Variants in ADCY9 observed in about 807,000 individuals in gnomAD.
ADCY9 encodes adenylate cyclase 9.
ADCY9 carries 50 observed loss-of-function variants against 101.5 expected under a neutral mutation model. The observed-to-expected ratio is 0.49, with a 90% CI of 0.39 to 0.62. The LOEUF (loss-of-function observed/expected upper bound fraction) is 0.62, where lower values mean the gene tolerates loss of function less well. Among genes scored for constraint, ADCY9 ranks in the 20% least tolerant of loss-of-function variants. The probability of loss-of-function intolerance (pLI) is 0.00; values close to 1 mark genes in which losing one functional copy is unlikely to be tolerated. For missense variants in ADCY9, 1,662 were observed against 1,800.4 expected (o/e 0.92, Z 1.39); for synonymous variants, 905 against 769.3 (o/e 1.18, Z -2.92).
intron 2 of ADCY9, chr16:4,032,082 A>AG (rs1227712007): frequency 6.6e-6 from 1 of 151,890 alleles, no homozygotes; most frequent in Non-Finnish European, 1.5e-5. Context: ...CAGGGTCAGG[A>AG]GTTCGAGACC....
chr16:3,971,348 G>A (rs988629897), intron 10 of ADCY9, among the ~76,000 whole-genome samples: 1 of 152,090 alleles, frequency 6.6e-6, no homozygotes, highest in Non-Finnish European at 1.5e-5. Context: ...ATGTCTTTTC[G>A]CTGTAATCAC....
At chr16:4,001,091 T>G (rs962008895) in intron 3 of ADCY9, among the ~76,000 whole-genome samples, 5 of 151,906 alleles carry the variant, frequency 3.3e-5, no homozygotes, top group African/African-American at 4.8e-5. Context: ...ATATCCTCCG[T>G]ACATACTCAC....
At chr16:4,036,458 GTTTGTT>G (rs2056590382) in intron 2 of ADCY9, among the ~76,000 whole-genome samples, 1 of 84,806 alleles carries the variant, frequency 1.2e-5, no homozygotes, top group African/African-American at 3.7e-5. Flanking sequence ...TTTGGGGTTT[GTTTGTT>G]TTTTTTTTTT....
At chr16:4,059,378 C>T (rs545984969) in intron 2 of ADCY9, among the ~76,000 whole-genome samples, 96 of 34,646 alleles carry the variant, frequency 2.8e-3, no homozygotes, top group African/African-American at 0.012. Flanking sequence ...GAGAATCCAT[C>T]GAAAAAAAAA....
At chr16:3,967,529 A>T (rs768088907) in intron 10 of ADCY9, among the ~76,000 whole-genome samples, 2 of 151,442 alleles carry the variant, frequency 1.3e-5, no homozygotes, top group Non-Finnish European at 2.9e-5. Context: ...AGCTGGGATT[A>T]CACGCATGTA....
rs992286153 is a variant in ADCY9, at chr16:4,103,734, G to C, written c.1693+10016C>G. Among the ~76,000 whole-genome samples, 5 of 152,196 alleles carry C rather than the reference G, an allele frequency of 3.3e-5. No individual in the cohort carries two copies. In the South Asian group the frequency reaches 1.0e-3, roughly 32 times the overall value. On this transcript the variant is annotated intron_variant, in intron 2 of 10. Transcript: ENST00000294016. ...AAATCCCAGCTACTTGGGAGGCTGA[G>C]GCAGGAGAATCACTTGAACCCAGGA...
intron 10 of ADCY9, among the ~76,000 whole-genome samples, chr16:3,972,872 T>C: frequency 6.6e-6 from 1 of 152,108 alleles, no homozygotes; most frequent in South Asian, 2.1e-4. Context: ...CTGGTGAAAA[T>C]GCACTGAGCT....
intron 6 of ADCY9, among the ~76,000 whole-genome samples, chr16:3,988,147 C>T (rs2056210186): frequency 6.6e-6 from 1 of 152,050 alleles, no homozygotes; most frequent in Non-Finnish European, 1.5e-5. Context: ...CAAAATGGGG[C>T]ACACACGGAG....
intron 3 of ADCY9, among the ~76,000 whole-genome samples, chr16:3,994,183 C>G (rs1241091876): frequency 6.6e-6 from 1 of 152,064 alleles, no homozygotes; most frequent in African/African-American, 2.4e-5. Context: ...CAGAGGAATC[C>G]CTCGTCCCTT....
chr16:4,070,992 AACC>A (rs1469022626), intron 2 of ADCY9, among the ~76,000 whole-genome samples: 1 of 151,794 alleles, frequency 6.6e-6, no homozygotes, highest in Non-Finnish European at 1.5e-5. Context: ...TAAATAATAT[AACC>A]ACAACTTTTC....
rs561281101 is a variant in ADCY9, at chr16:4,030,853, G to C, written c.1694-23295C>G. Reference sequence around the variant, plus strand: ...GGGAGGGACACGAGGGAGGCTTCTGGGATATTCTGTTTCATCTGGGTGCTG... The same window carrying C: ...GGGAGGGACACGAGGGAGGCTTCTGCGATATTCTGTTTCATCTGGGTGCTG... On this transcript the variant is annotated intron_variant, in intron 2 of 10. Transcript: ENST00000294016. Among the ~76,000 whole-genome samples the C allele has an allele frequency of 2.0e-5, 3 of 152,240 alleles. No homozygotes were observed. The South Asian group carries it at 6.2e-4, about 32-fold the overall frequency.
chr16:3,986,109 C>T (rs1404031910), intron 6 of ADCY9, among the ~76,000 whole-genome samples: 1 of 152,268 alleles, frequency 6.6e-6, no homozygotes, highest in African/African-American at 2.4e-5. Context: ...GGCTCTGCAG[C>T]CGGGCTGTCT....
At chr16:3,998,741 G>GAAAA (rs2056307605) in intron 3 of ADCY9, among the ~76,000 whole-genome samples, 2 of 47,740 alleles carry the variant, frequency 4.2e-5, no homozygotes, top group Non-Finnish European at 8.2e-5. Flanking sequence ...AAAAAGAAAA[G>GAAAA]AAAGAAAGAA....
chr16:4,108,965 C>T (rs1327784087), intron 2 of ADCY9, among the ~76,000 whole-genome samples: 1 of 152,082 alleles, frequency 6.6e-6, no homozygotes. Context: ...CTCGGCCTCC[C>T]AAAGTGTTGA....
intron 3 of ADCY9, among the ~76,000 whole-genome samples, chr16:4,000,966 T>C (rs1362985710): frequency 2.8e-5 from 1 of 35,998 alleles, no homozygotes; most frequent in African/African-American, 6.7e-5. Context: ...CATCCCTCTC[T>C]CTACACACAC....
chr16:4,080,272 C>G (rs1408683704), intron 2 of ADCY9, among the ~76,000 whole-genome samples: 1 of 152,038 alleles, frequency 6.6e-6, no homozygotes, highest in African/African-American at 2.4e-5. Flanking sequence ...TTGAGACAGT[C>G]TTGCTCTGTT....
chr16:4,033,486 T>C (rs1174807444), intron 2 of ADCY9, among the ~76,000 whole-genome samples: 1 of 146,736 alleles, frequency 6.8e-6, no homozygotes, highest in African/African-American at 2.6e-5. Flanking sequence ...CAGGCCAGAG[T>C]GCAGTGGTGT....
chr16:3,960,891 T>C (rs948268670), downstream of ADCY9, among the ~76,000 whole-genome samples: 1 of 152,362 alleles, frequency 6.6e-6, no homozygotes, highest in East Asian at 1.9e-4. Context: ...TACATGTCCA[T>C]TGCGTGCAAG....
intron 2 of ADCY9, among the ~76,000 whole-genome samples, chr16:4,047,273 G>C (rs2056671518): frequency 1.3e-5 from 2 of 151,244 alleles, no homozygotes. Flanking sequence ...TCCTTTTTTT[G>C]AGACTCCATC....
Sources: gnomAD v4.1 joint callset for allele counts (sites outside exome capture counted in the v4.1 genomes callset) on GRCh38, gnomAD v4.1.1 for gene constraint, MANE v1.5 for transcripts, NCBI Gene and HGNC (gene_info 2026-07-23, HGNC 2026-07-21) for gene names.